Variants in CLDN14 observed in about 807,000 individuals in gnomAD.
The protein encoded by CLDN14 is claudin-14.
Under a neutral mutation model 2.1 loss-of-function variants are expected in CLDN14, and 2 were observed. That is an observed-to-expected ratio of 0.96 (90% CI 0.39 to 3.01). CLDN14 has a LOEUF of 3.01. Among genes scored for constraint, CLDN14 ranks in the 30% most tolerant of loss-of-function variants. The probability of loss-of-function intolerance (pLI) is 0.09; values close to 1 mark genes in which losing one functional copy is unlikely to be tolerated. For synonymous variants in CLDN14, 136 were observed against 154.4 expected, an observed-to-expected ratio of 0.88 and a Z score of 0.88; for missense variants, 298 against 328.0, an observed-to-expected ratio of 0.91 and a Z score of 0.71.
intron 2 of CLDN14, chr21:36,486,583 C>A: frequency 6.4e-7 from 1 of 1,553,976 alleles, no homozygotes; most frequent in Non-Finnish European, 8.9e-7. Context: ...GCCCAGGAGG[C>A]ACTGCCACCA....
chr21:36,539,963 AGTAT>A (rs1382946580), intron 1 of CLDN14, among the ~76,000 whole-genome samples: 2 of 149,914 alleles, frequency 1.3e-5, no homozygotes, highest in African/African-American at 2.5e-5. Context: ...TAGCATGTGG[AGTAT>A]GTATGTGTGT....
intron 1 of CLDN14, among the ~76,000 whole-genome samples, chr21:36,528,980 C>T (rs1441714598): frequency 6.6e-6 from 1 of 152,188 alleles, no homozygotes; most frequent in African/African-American, 2.4e-5. Context: ...GGGTCACCTG[C>T]CCAGGAGACT....
At chr21:36,566,296 T>C (rs1313829207) in intron 1 of CLDN14, among the ~76,000 whole-genome samples, 2 of 152,228 alleles carry the variant, frequency 1.3e-5, no homozygotes, top group African/African-American at 4.8e-5. Flanking sequence ...TTAATATTTG[T>C]AAAGCACTCA....
At chr21:36,514,216 G>A (rs962276796) in intron 1 of CLDN14, among the ~76,000 whole-genome samples, 1 of 152,138 alleles carries the variant, frequency 6.6e-6, no homozygotes, top group African/African-American at 2.4e-5. Flanking sequence ...TCACAGCTTC[G>A]TGATATTTGG....
chr21:36,486,442 G>A (rs770647525), intron 2 of CLDN14: 9 of 1,470,750 alleles, frequency 6.1e-6, no homozygotes, highest in South Asian at 3.4e-5. Context: ...ATAGAAACCC[G>A]AGGGCCAAGG....
intron 1 of CLDN14, among the ~76,000 whole-genome samples, chr21:36,554,243 C>T (rs961341681): frequency 6.6e-6 from 1 of 152,192 alleles, no homozygotes; most frequent in East Asian, 1.9e-4. Flanking sequence ...GCCCTGGGCT[C>T]GGCGGTGCCT....
intron 1 of CLDN14, among the ~76,000 whole-genome samples, chr21:36,521,177 G>A (rs188489977): frequency 6.6e-5 from 10 of 152,284 alleles, no homozygotes; most frequent in Admixed American, 1.3e-4. Context: ...AGGTCATTCC[G>A]TAAAGATCAG....
intron 2 of CLDN14, among the ~76,000 whole-genome samples, chr21:36,510,137 G>A (rs1239507166): frequency 6.6e-6 from 1 of 152,194 alleles, no homozygotes; most frequent in Non-Finnish European, 1.5e-5. Context: ...ATAGCTCTGG[G>A]CCAGTCAAGC....
rs58458004 is a variant in CLDN14 at position 36,501,332 on chromosome 21, C to CTTTTTTTTTTTTTTTTTTTTTT, written c.-82+9009_-82+9030dup. 1.4e-4 allele frequency among the ~76,000 whole-genome samples: 7 copies of CTTTTTTTTTTTTTTTTTTTTTT among 48,390 alleles called. 2 individuals carry two copies. The highest frequency in any genetic ancestry group is 1.7e-4 in the Non-Finnish European group (4 of 23,304). The allele number at this position is 48,390 out of a possible 152,430, so 31.7% of individuals were successfully genotyped here. A position where few individuals can be genotyped will look rare whatever the true frequency, so the allele number is the denominator to read the frequency against. On this transcript the variant is annotated intron_variant, in intron 2 of 2. Coordinates refer to the CLDN14 transcript ENST00000342108. ...AATGGGAGTTTCAGTCAATATCTCA[C>CTTTTTTTTTTTTTTTTTTTTTT]TTTTTTTTTTTTTTTTTTTTTTTTT...
chr21:36,553,179 C>A (rs1568879488), intron 1 of CLDN14, among the ~76,000 whole-genome samples: 1 of 152,188 alleles, frequency 6.6e-6, no homozygotes, highest in Non-Finnish European at 1.5e-5. Context: ...AGCCTCGAGG[C>A]CCCCGTCTGT....
intron 1 of CLDN14, among the ~76,000 whole-genome samples, chr21:36,513,447 C>T (rs1568865134): frequency 6.6e-6 from 1 of 152,202 alleles, no homozygotes; most frequent in African/African-American, 2.4e-5. Context: ...AATCAACCTA[C>T]CCTGGAGCTG....
intron 1 of CLDN14, among the ~76,000 whole-genome samples, chr21:36,528,193 T>A (rs1201583538): frequency 6.6e-6 from 1 of 152,188 alleles, no homozygotes; most frequent in Non-Finnish European, 1.5e-5. Flanking sequence ...TAAGTAAAAA[T>A]GAAAATATTA....
chr21:36,461,348 G>A lies in CLDN14; in HGVS notation c.348C>T (p.Thr116=), dbSNP rs2086569361. 6.2e-7 allele frequency: 1 copy of A among 1,613,576 alleles called. No individual in the cohort carries two copies. The highest frequency in any genetic ancestry group is 2.2e-5 in the East Asian group (1 of 44,870). The change falls in exon 2 of 2, where the codon ACC becomes ACT. Residue 116 remains threonine (T), a synonymous_variant. Transcript: ENST00000399135. ...RCAKGTPAKT[T]FAILGGTLFI... ...AGAGGGTGCCGCCGAGGATGGCAAA[G>A]GTGGTCTTGGCGGGTGTGCCCTTGG...
intron 1 of CLDN14, among the ~76,000 whole-genome samples, chr21:36,536,025 CG>C (rs1163919735): frequency 6.6e-6 from 1 of 152,184 alleles, no homozygotes; most frequent in African/African-American, 2.4e-5. Context: ...GGGAGGAGAA[CG>C]CAGCCCTGCT....
chr21:36,469,110 T>C (rs2086680715), intron 1 of CLDN14, among the ~76,000 whole-genome samples: 1 of 152,202 alleles, frequency 6.6e-6, no homozygotes, highest in African/African-American at 2.4e-5. Flanking sequence ...CTTAATCATG[T>C]GCGAAACAAA....
At chr21:36,468,841 C>A (rs1243173680) in intron 1 of CLDN14, among the ~76,000 whole-genome samples, 2 of 151,730 alleles carry the variant, frequency 1.3e-5, no homozygotes, top group Admixed American at 1.3e-4. Context: ...CTCAGTGCAA[C>A]CTCTGCCTCC....
chr21:36,478,170 A>G (rs2249234), intron 1 of CLDN14, among the ~76,000 whole-genome samples: 48,517 of 152,190 alleles, frequency 0.32, 9,190 homozygotes, highest in African/African-American at 0.54. Context: ...TGACATTTTC[A>G]TAGCACCAAA....
At chr21:36,463,693 C>G (rs1401973096) in intron 1 of CLDN14, among the ~76,000 whole-genome samples, 1 of 152,074 alleles carries the variant, frequency 6.6e-6, no homozygotes, top group Admixed American at 6.6e-5. Flanking sequence ...GCCTGGGCAA[C>G]AGAGCAAGAC....
At position 36,561,512 on chromosome 21, in the gene CLDN14, C is replaced by T. The variant is rs2087635145; in HGVS notation, c.-220+14899G>A. On this transcript the variant is annotated intron_variant, in intron 1 of 2. Transcript: ENST00000342108. Reference sequence around the variant, plus strand: ...CATAGTGGGCCACTTGGCTGCCCCGCTGCCCCTCAGCTTAGCTATCTAGTG... The same window carrying T: ...CATAGTGGGCCACTTGGCTGCCCCGTTGCCCCTCAGCTTAGCTATCTAGTG... 2.0e-5 allele frequency among the ~76,000 whole-genome samples: 3 copies of T among 152,178 alleles called. No individual in the cohort carries two copies. In the South Asian group the frequency reaches 6.2e-4, roughly 32 times the overall value.
Sources: allele counts gnomAD v4.1 joint callset (sites outside exome capture counted in the v4.1 genomes callset), GRCh38; gene constraint gnomAD v4.1.1; transcripts MANE v1.5; gene names NCBI Gene and HGNC (gene_info 2026-07-23, HGNC 2026-07-21).